The following C3orf33 variants were observed in gnomAD, a reference collection of about 807,000 sequenced individuals.
C3orf33 encodes mitochondrial inner membrane subdomain organizer 1.
C3orf33 carries 23 observed loss-of-function variants against 28.7 expected under a neutral mutation model. That is an observed-to-expected ratio of 0.80 (90% confidence interval 0.58 to 1.13). C3orf33 has a LOEUF of 1.13. Among genes scored for constraint, C3orf33 ranks in the 50% most tolerant of loss-of-function variants. C3orf33 has a pLI of 0.00. For synonymous variants in C3orf33, 119 were observed against 120.5 expected (o/e 0.99, Z 0.08); for missense variants, 327 against 353.4 (o/e 0.93, Z 0.60).
intron 3 of C3orf33, among the ~76,000 whole-genome samples, chr3:155,769,113 G>A (rs138810734): frequency 0.016 from 2,424 of 152,228 alleles, 28 homozygotes; most frequent in South Asian, 0.04. Flanking sequence ...AGGAATTCGA[G>A]ACAAGCCTGA....
intron 1 of C3orf33, among the ~76,000 whole-genome samples, chr3:155,805,369 G>T (rs1303415644): frequency 6.6e-6 from 1 of 152,106 alleles, no homozygotes; most frequent in East Asian, 1.9e-4. Flanking sequence ...AGCCTGAGGT[G>T]GGAGGATTGC....
At chr3:155,769,418 G>A (rs1369783368) in intron 3 of C3orf33, among the ~76,000 whole-genome samples, 1 of 150,078 alleles carries the variant, frequency 6.7e-6, no homozygotes, top group East Asian at 1.9e-4. Context: ...AATCTAGGAG[G>A]CAGAAGCTGA....
intron 2 of C3orf33, among the ~76,000 whole-genome samples, chr3:155,793,372 A>AT (rs1296993519): frequency 8.3e-6 from 1 of 120,590 alleles, no homozygotes; most frequent in African/African-American, 2.7e-5. Flanking sequence ...CTTCAATCTG[A>AT]TTAAAAAAAA....
At chr3:155,805,794 T>C (rs1249984940) in intron 1 of C3orf33, 1 of 488,674 alleles carries the variant, frequency 2.0e-6, no homozygotes, top group Non-Finnish European at 3.9e-6. Context: ...ACTTCCCTGC[T>C]CTTCCTCGGT....
intron 2 of C3orf33, among the ~76,000 whole-genome samples, chr3:155,792,978 G>T (rs1319794977): frequency 2.0e-5 from 3 of 152,146 alleles, no homozygotes; most frequent in East Asian, 3.9e-4. Flanking sequence ...GTACAAGAAG[G>T]TTATGGAACA....
rs1750726605 is a variant in C3orf33 at position 155,775,733 on chromosome 3, G to A, written c.290C>T (p.Pro97Leu). 6.3e-7 allele frequency: 1 copy of A among 1,577,094 alleles called. No homozygotes were observed. Among genetic ancestry groups the A allele is most frequent in the Non-Finnish European group, 8.7e-7 (1 of 1,150,042 alleles). The change falls in exon 3 of 5, where the codon CCT (proline) becomes CTT (leucine). Residue 97 changes from proline (P) to leucine (L), a missense_variant. Physicochemically the swap from Pro to Leu is moderately conservative, Grantham distance 98. Coordinates refer to ENST00000340171, the MANE Select transcript of C3orf33 (RefSeq NM_001308229.2). ...TGAAGCTATAATAGGTAAAGTAATA[G>A]GTATATGTTCAATTTCTAAACCATT... ...TENGLEIEHI[P>L]ITLPIIASLR...
intron 2 of C3orf33, among the ~76,000 whole-genome samples, chr3:155,784,664 C>T (rs780292831): frequency 1.3e-5 from 2 of 151,320 alleles, no homozygotes; most frequent in African/African-American, 4.9e-5. Context: ...CACCTGAATC[C>T]GGGAGGTGCC....
intron 2 of C3orf33, among the ~76,000 whole-genome samples, chr3:155,787,082 G>T (rs191210787): frequency 6.6e-6 from 1 of 152,242 alleles, no homozygotes; most frequent in East Asian, 1.9e-4. Flanking sequence ...AGTCTATGAG[G>T]CCAGCATTAC....
chr3:155,793,809 C>CAAAAAAAAA (rs1176317323), intron 2 of C3orf33, among the ~76,000 whole-genome samples: 2 of 37,456 alleles, frequency 5.3e-5, no homozygotes, highest in African/African-American at 7.2e-5. Flanking sequence ...GACTCTGACT[C>CAAAAAAAAA]AAAAAAAAAA....
chr3:155,799,828 T>C (rs1577438853), intron 2 of C3orf33, among the ~76,000 whole-genome samples: 2 of 152,168 alleles, frequency 1.3e-5, no homozygotes, highest in African/African-American at 4.8e-5. Context: ...AGACAAACTT[T>C]GCATGTTCTC....
intron 2 of C3orf33, among the ~76,000 whole-genome samples, chr3:155,791,440 A>G (rs1401577953): frequency 6.6e-6 from 1 of 152,128 alleles, no homozygotes; most frequent in Non-Finnish European, 1.5e-5. Flanking sequence ...TACTTGAGAA[A>G]AGGAGGAGGA....
chr3:155,784,342 G>A (rs1026430755), intron 2 of C3orf33, among the ~76,000 whole-genome samples: 1 of 152,196 alleles, frequency 6.6e-6, no homozygotes, highest in Non-Finnish European at 1.5e-5. Context: ...TTTTATTGAG[G>A]TTAAGTTGGT....
At chr3:155,767,446 AGT>A (rs1466262535) in intron 4 of C3orf33, 61 bp downstream of exon 4, 2 of 1,228,364 alleles carry the variant, frequency 1.6e-6, no homozygotes, top group Non-Finnish European at 2.1e-6. Context: ...TAATTAAATA[AGT>A]GTTTACATAT....
chr3:155,772,270 T>C (rs1750615488), intron 3 of C3orf33, among the ~76,000 whole-genome samples: 1 of 151,848 alleles, frequency 6.6e-6, no homozygotes, highest in Admixed American at 6.6e-5. Context: ...CAGAAGGCAG[T>C]AGAGAGTGAC....
chr3:155,770,824 G>A (rs756539312), intron 3 of C3orf33, among the ~76,000 whole-genome samples: 1 of 151,700 alleles, frequency 6.6e-6, no homozygotes, highest in Non-Finnish European at 1.5e-5. Flanking sequence ...CCACACTCCC[G>A]CCACCACACC....
chr3:155,786,715 C>G (rs1222417141), intron 2 of C3orf33, among the ~76,000 whole-genome samples: 1 of 152,048 alleles, frequency 6.6e-6, no homozygotes, highest in Non-Finnish European at 1.5e-5. Flanking sequence ...CCTGTAATCC[C>G]AGCTACTCAG....
At chr3:155,774,492 T>C (rs1268772515) in intron 3 of C3orf33, among the ~76,000 whole-genome samples, 1 of 152,048 alleles carries the variant, frequency 6.6e-6, no homozygotes, top group African/African-American at 2.4e-5. Flanking sequence ...AAGGTCTGTG[T>C]GTCTGGGTGC....
intron 1 of C3orf33, among the ~76,000 whole-genome samples, chr3:155,803,190 G>GA (rs146499824): frequency 1.4e-3 from 206 of 151,094 alleles, no homozygotes; most frequent in Non-Finnish European, 2.5e-3. Flanking sequence ...AGGAGTTAAT[G>GA]AAAAATTAAG....
At chr3:155,794,674 TAAAG>T (rs2109276764) in intron 2 of C3orf33, among the ~76,000 whole-genome samples, 1 of 151,216 alleles carries the variant, frequency 6.6e-6, no homozygotes, top group East Asian at 1.9e-4. Context: ...AGATTGAAAA[TAAAG>T]AAATAGAAAA....
Sources: allele counts gnomAD v4.1 joint callset (sites outside exome capture counted in the v4.1 genomes callset), GRCh38; gene constraint gnomAD v4.1.1; transcripts MANE v1.5; gene names NCBI Gene and HGNC (gene_info 2026-07-23, HGNC 2026-07-21).